The following GRK5 variants were observed in gnomAD, a reference collection of about 807,000 sequenced individuals.
GRK5 encodes the protein G protein-coupled receptor kinase 5.
Under a neutral mutation model 78.4 loss-of-function variants are expected in GRK5, and 40 were observed. The observed-to-expected ratio is 0.51, with a 90% confidence interval of 0.40 to 0.66. GRK5 has a LOEUF of 0.66. GRK5 is among the 30% of genes least tolerant of loss of function. The probability of loss-of-function intolerance (pLI) is 0.00; values close to 1 mark genes in which losing one functional copy is unlikely to be tolerated. For synonymous variants in GRK5, 289 were observed against 296.8 expected (o/e 0.97, Z 0.27); for missense variants, 598 against 759.9 (o/e 0.79, Z 2.50).
intron 1 of GRK5, among the ~76,000 whole-genome samples, chr10:119,298,436 C>T (rs745403114): frequency 3.3e-5 from 5 of 152,176 alleles, no homozygotes; most frequent in Admixed American, 6.5e-5. Flanking sequence ...CTGGTCCCAC[C>T]GATGGCCGTG....
At chr10:119,349,019 T>C (rs904345872) in intron 2 of GRK5, among the ~76,000 whole-genome samples, 4 of 152,138 alleles carry the variant, frequency 2.6e-5, no homozygotes, top group African/African-American at 9.7e-5. Context: ...TAGGCAATCT[T>C]CCGTCACCCT....
At chr10:119,312,799 T>C (rs887426711) in intron 1 of GRK5, among the ~76,000 whole-genome samples, 1 of 152,180 alleles carries the variant, frequency 6.6e-6, no homozygotes, top group African/African-American at 2.4e-5. Context: ...ATGTAGGGCA[T>C]AGTAGGGTAG....
chr10:119,286,293 A>G (rs560251936), intron 1 of GRK5, among the ~76,000 whole-genome samples: 14 of 152,376 alleles, frequency 9.2e-5, no homozygotes, highest in Admixed American at 3.3e-4. Context: ...CCCTTTCATT[A>G]ATTGAGTTCC....
intron 1 of GRK5, among the ~76,000 whole-genome samples, chr10:119,283,626 C>G (rs994065829): frequency 6.6e-6 from 1 of 152,230 alleles, no homozygotes; most frequent in Admixed American, 6.5e-5. Flanking sequence ...TGGGGTGGAG[C>G]TAGCTCAGAC....
chr10:119,335,129 C>CCTCTCTCTCTCTCTCTCTCTCTCTCTCT (rs71016564), intron 2 of GRK5: 1 of 9,870 alleles, frequency 1.0e-4, no homozygotes, highest in Non-Finnish European at 1.8e-4. Flanking sequence ...GCCTGCCTTG[C>CCTCTCTCTCTCTCTCTCTCTCTCTCTCT]CTCTCTCTCT....
At chr10:119,426,191 C>T (rs950804229) in intron 6 of GRK5, among the ~76,000 whole-genome samples, 1 of 152,230 alleles carries the variant, frequency 6.6e-6, no homozygotes, top group Non-Finnish European at 1.5e-5. Flanking sequence ...GCCAGGAGCC[C>T]TTCTGAACCC....
intron 6 of GRK5, among the ~76,000 whole-genome samples, chr10:119,426,136 C>T (rs915523099): frequency 1.3e-5 from 2 of 152,246 alleles, no homozygotes; most frequent in Non-Finnish European, 2.9e-5. Flanking sequence ...TGCCTGCCAG[C>T]CCCACAGCTG....
At position 119,448,268 on chromosome 10, in the gene GRK5, G is replaced by T; in HGVS notation, c.1404+8G>T. 1 of 1,584,774 alleles carries T rather than the reference G, an allele frequency of 6.3e-7. No homozygotes were observed. Among genetic ancestry groups the T allele is most frequent in the South Asian group, 1.2e-5 (1 of 86,664 alleles). ...CCTCCCTTCGTTCCAGACGTGAGTA[G>T]CCTCCCCCAGCCCCCAGCAGCTCCC... On this transcript the variant is annotated splice_region_variant and intron_variant, in intron 13 of 15. Transcript: ENST00000392870.
chr10:119,393,835 G>T (rs1589782726), intron 3 of GRK5, among the ~76,000 whole-genome samples: 1 of 152,152 alleles, frequency 6.6e-6, no homozygotes, highest in East Asian at 1.9e-4. Flanking sequence ...CATGTAGGGT[G>T]AGCCTGGAAT....
intron 4 of GRK5, among the ~76,000 whole-genome samples, chr10:119,403,996 G>A (rs572401669): frequency 6.6e-6 from 1 of 152,150 alleles, no homozygotes; most frequent in Non-Finnish European, 1.5e-5. Flanking sequence ...TGAAAATGCA[G>A]GTACAAGTTT....
At chr10:119,443,838 C>A (rs923997108) in intron 12 of GRK5, 86 bp downstream of exon 12, 1 of 1,167,932 alleles carries the variant, frequency 8.6e-7, no homozygotes, top group African/African-American at 1.5e-5. Flanking sequence ...GAACAGCAAA[C>A]AGGCTGAAGG....
chr10:119,246,223 C>A (rs73448899), intron 1 of GRK5, among the ~76,000 whole-genome samples: 10,850 of 152,042 alleles, frequency 0.071, 529 homozygotes, highest in Admixed American at 0.17. Context: ...TCACATATAA[C>A]TTATGCACAT....
chr10:119,281,918 T>C (rs1849769981), intron 1 of GRK5, among the ~76,000 whole-genome samples: 1 of 152,184 alleles, frequency 6.6e-6, no homozygotes, highest in Non-Finnish European at 1.5e-5. Context: ...ACAGCCTGAG[T>C]GGCCTGTCAC....
rs560021190 is a variant in GRK5, at chr10:119,413,020, G to A, written c.340-10146G>A. Among the ~76,000 whole-genome samples, 21 of 152,264 alleles carry A rather than the reference G, an allele frequency of 1.4e-4. 1 individual carries two copies. In the East Asian group the frequency reaches 3.9e-3, roughly 28 times the overall value. ...CCCTGATTTTACAGATGGTGAATTC[G>A]TCTGGATTCTTGGCAGCAAGTGGCA... is the stretch of plus-strand genomic sequence containing the variant. On this transcript the variant is annotated intron_variant, in intron 4 of 15. Transcript: ENST00000392870.
intron 8 of GRK5, among the ~76,000 whole-genome samples, chr10:119,435,534 G>A (rs1260973312): frequency 1.3e-5 from 2 of 152,210 alleles, no homozygotes. Context: ...AAGATAACAA[G>A]AGTCACCTTT....
chr10:119,383,068 C>A (rs541737962), intron 3 of GRK5, among the ~76,000 whole-genome samples: 195 of 152,208 alleles, frequency 1.3e-3, no homozygotes, highest in African/African-American at 4.1e-3. Flanking sequence ...CCTACAGGCG[C>A]CCGCCACTAC....
rs151180437 is a variant in GRK5 at position 119,290,031 on chromosome 10, T to C, written c.53-36485T>C. On this transcript the variant is annotated intron_variant, in intron 1 of 15. Coordinates refer to ENST00000392870, the MANE Select transcript of GRK5 (RefSeq NM_005308.3). ...GGAGGTTGAGTAATAAGGACCCCAG[T>C]TGCTGAACAGCTCCTGGAAGACTAT... Among the ~76,000 whole-genome samples the C allele has an allele frequency of 3.5e-3, 540 of 152,292 alleles. 4 individuals are homozygous for C. Among genetic ancestry groups the C allele is most frequent in the African/African-American group, 0.012 (512 of 41,552 alleles).
In GRK5 at chr10:119,316,432, G is replaced by A. The variant is rs543534536; in HGVS notation, c.53-10084G>A. On this transcript the variant is annotated intron_variant, in intron 1 of 15. Coordinates refer to ENST00000392870, the MANE Select transcript of GRK5 (RefSeq NM_005308.3). ...GTTCTAACTACCCAGGATTAGTGCA[G>A]ACATCACAAATGAAGAGCACAGTCT... 4.5e-4 allele frequency among the ~76,000 whole-genome samples: 68 copies of A among 152,324 alleles called. 1 individual carries two copies. The Middle Eastern group carries it at 0.014, about 30-fold the overall frequency.
At chr10:119,366,031 C>T (rs905096594) in intron 2 of GRK5, among the ~76,000 whole-genome samples, 1 of 152,222 alleles carries the variant, frequency 6.6e-6, no homozygotes, top group Non-Finnish European at 1.5e-5. Context: ...AACTAAGCGA[C>T]CTGGTCCCTG....
Sources: allele counts gnomAD v4.1 joint callset (sites outside exome capture counted in the v4.1 genomes callset), GRCh38; gene constraint gnomAD v4.1.1; transcripts MANE v1.5; gene names NCBI Gene and HGNC (gene_info 2026-07-23, HGNC 2026-07-21).